Variants in TCF4 observed in about 807,000 individuals in gnomAD.
The protein encoded by TCF4 is transcription factor 4.
A neutral mutation model predicts 82.1 loss-of-function variants in TCF4; 3 were observed. That is an observed-to-expected ratio of 0.04 (90% CI 0.02 to 0.09). TCF4 has a LOEUF of 0.09. Ranked by LOEUF, TCF4 falls within the 10% of genes least tolerant of loss-of-function variation. TCF4 has a pLI of 1.00. For synonymous variants in TCF4, 276 were observed against 309.6 expected (o/e 0.89, Z 1.14); for missense variants, 518 against 852.7 (o/e 0.61, Z 4.89).
chr18:55,267,867 T>G (rs904365888), intron 11 of TCF4: 1 of 152,160 alleles, frequency 6.6e-6, no homozygotes, highest in Non-Finnish European at 1.5e-5. Flanking sequence ...GTCAAGACCC[T>G]TAAATAAGGC....
At chr18:55,479,074 G>T (rs1343455515) in intron 3 of TCF4, 1 of 151,646 alleles carries the variant, frequency 6.6e-6, no homozygotes, top group Non-Finnish European at 1.5e-5. Flanking sequence ...CTCAAACATT[G>T]CAAGTTTCAT....
chr18:55,635,522 GAAAAGA>G (rs1356089421), intron 1 of TCF4, among the ~76,000 whole-genome samples: 2 of 150,690 alleles, frequency 1.3e-5, no homozygotes, highest in African/African-American at 4.9e-5. Context: ...AAAAAAAAAA[GAAAAGA>G]AAAAGAAAAA....
chr18:55,560,634 C>T (rs1243191673), intron 3 of TCF4, among the ~76,000 whole-genome samples: 1 of 152,182 alleles, frequency 6.6e-6, no homozygotes, highest in Non-Finnish European at 1.5e-5. Flanking sequence ...TCTGATCATG[C>T]CTAGCCATCT....
intron 2 of TCF4, among the ~76,000 whole-genome samples, chr18:55,630,196 GAAT>G (rs1307294523): frequency 1.3e-5 from 2 of 152,058 alleles, no homozygotes; most frequent in Non-Finnish European, 2.9e-5. Context: ...ATTTTATATA[GAAT>G]AATAATGTGT....
chr18:55,490,225 T>C lies in TCF4; in HGVS notation c.146-26088A>G, dbSNP rs1441678489. On this transcript the variant is annotated intron_variant, in intron 3 of 19. Transcript: ENST00000354452. ...TCAAAATGGGATTTCTGCGGTTATT[T>C]TGCCTCTCTTTGGCAGGCTCCTTTA... Among the ~76,000 whole-genome samples the C allele has an allele frequency of 6.6e-5, 10 of 152,312 alleles. No individual in the cohort carries two copies. In the East Asian group the frequency reaches 1.5e-3, roughly 23 times the overall value.
intron 3 of TCF4, among the ~76,000 whole-genome samples, chr18:55,527,697 GAA>G (rs2097003614): frequency 6.6e-6 from 1 of 152,092 alleles, no homozygotes; most frequent in African/African-American, 2.4e-5. Context: ...CAAAGTTATT[GAA>G]AAAGAGAGTT....
At chr18:55,523,400 TA>T in intron 3 of TCF4, among the ~76,000 whole-genome samples, 1 of 151,878 alleles carries the variant, frequency 6.6e-6, no homozygotes, top group East Asian at 1.9e-4. Flanking sequence ...ACAGCACACA[TA>T]ACCCTGGCAG....
chr18:55,238,804 G>C (rs2050315397), intron 15 of TCF4, among the ~76,000 whole-genome samples: 1 of 152,192 alleles, frequency 6.6e-6, no homozygotes, highest in Non-Finnish European at 1.5e-5. Context: ...TTCTGGTTCT[G>C]TACCTCCTGC....
At chr18:55,579,754 G>A (rs563740633) in intron 3 of TCF4, among the ~76,000 whole-genome samples, 13 of 152,100 alleles carry the variant, frequency 8.5e-5, no homozygotes, top group East Asian at 3.9e-4. Flanking sequence ...TGACTTGGAC[G>A]AGGTTGCAAA....
intron 6 of TCF4, among the ~76,000 whole-genome samples, chr18:55,382,390 C>T (rs2092051646): frequency 6.6e-6 from 1 of 151,818 alleles, no homozygotes; most frequent in Admixed American, 6.6e-5. Context: ...TATAAGATGC[C>T]ACTGAATGTC....
intron 2 of TCF4, among the ~76,000 whole-genome samples, chr18:55,621,034 A>T (rs898047867): frequency 7.9e-5 from 12 of 152,164 alleles, no homozygotes; most frequent in African/African-American, 2.7e-4. Context: ...TAGTAATACC[A>T]GAAATCCTTA....
At chr18:55,281,258 C>G (rs991036818) in intron 8 of TCF4, among the ~76,000 whole-genome samples, 1 of 152,142 alleles carries the variant, frequency 6.6e-6, no homozygotes, top group Non-Finnish European at 1.5e-5. Context: ...GATCTAAGTT[C>G]TGTCAACCAC....
intron 5 of TCF4, among the ~76,000 whole-genome samples, chr18:55,430,071 T>C (rs1364220675): frequency 6.6e-6 from 1 of 152,200 alleles, no homozygotes; most frequent in Admixed American, 6.5e-5. Flanking sequence ...TTTTTAAATA[T>C]AATATTAATA....
chr18:55,631,839 A>AT (rs1338648505), intron 1 of TCF4, among the ~76,000 whole-genome samples: 3 of 152,216 alleles, frequency 2.0e-5, no homozygotes, highest in Non-Finnish European at 4.4e-5. Context: ...CGCTAGTACC[A>AT]ACAGGCCAGC....
At chr18:55,574,300 G>C (rs183283674) in intron 3 of TCF4, among the ~76,000 whole-genome samples, 56 of 152,250 alleles carry the variant, frequency 3.7e-4, no homozygotes, top group Middle Eastern at 3.4e-3. Flanking sequence ...CTTTGAAAAA[G>C]TATACTTGCA....
At chr18:55,456,198 G>A (rs1395781025) in intron 5 of TCF4, among the ~76,000 whole-genome samples, 5 of 152,290 alleles carry the variant, frequency 3.3e-5, no homozygotes, top group Middle Eastern at 3.4e-3. Flanking sequence ...AATATCAACC[G>A]CTAACCCAGA....
At chr18:55,320,326 GCT>G (rs1030224904) in intron 8 of TCF4, among the ~76,000 whole-genome samples, 1 of 152,030 alleles carries the variant, frequency 6.6e-6, no homozygotes, top group African/African-American at 2.4e-5. Flanking sequence ...ATTACACCGT[GCT>G]CTTTTTTAAA....
At chr18:55,233,705 AC>A (rs2048521925) in intron 16 of TCF4, among the ~76,000 whole-genome samples, 1 of 150,218 alleles carries the variant, frequency 6.7e-6, no homozygotes, top group African/African-American at 2.5e-5. Flanking sequence ...AATCCTAGCT[AC>A]CCCCTGGGAG....
intron 3 of TCF4, among the ~76,000 whole-genome samples, chr18:55,576,333 A>G (rs1261745120): frequency 1.3e-5 from 2 of 152,212 alleles, no homozygotes; most frequent in Non-Finnish European, 2.9e-5. Context: ...CAAAATCTTC[A>G]ATTTCCATCC....
Sources: allele counts gnomAD v4.1 joint callset (sites outside exome capture counted in the v4.1 genomes callset), GRCh38; gene constraint gnomAD v4.1.1; transcripts MANE v1.5; gene names NCBI Gene and HGNC (gene_info 2026-07-23, HGNC 2026-07-21).